GRM1: variants seen among roughly 807,000 people sequenced by gnomAD.
GRM1 encodes the protein metabotropic glutamate receptor 1.
In GRM1, 33 loss-of-function variants were observed where a neutral mutation model predicts 90.9. That is an observed-to-expected ratio of 0.36 (90% confidence interval 0.28 to 0.49). The LOEUF is 0.49. GRM1 is among the 20% of genes least tolerant of loss of function. The pLI is 0.99. For synonymous variants in GRM1, 700 were observed against 613.2 expected (o/e 1.14, Z -2.09); for missense variants, 1,190 against 1,534.3 (o/e 0.78, Z 3.75).
intron 1 of GRM1, among the ~76,000 whole-genome samples, chr6:146,102,824 G>A (rs1354917341): frequency 6.6e-6 from 1 of 152,132 alleles, no homozygotes; most frequent in Non-Finnish European, 1.5e-5. Context: ...AATTATGGAA[G>A]AGAAAACTTG....
chr6:146,029,967 C>G lies in GRM1; in HGVS notation c.450C>G (p.Gly150=). ...CTGACGGCCAGTCCCTCCCCCCAGG[C>G]AGGACTAAGAAGCCCATTGCGGGAG... ...CLPDGQSLPP[G]RTKKPIAGVI... The change falls in exon 1 of 8, where the codon GGC becomes GGG. Residue 150 remains glycine (G), a synonymous_variant. Transcript: ENST00000282753. 6.2e-7 allele frequency: 1 copy of G among 1,614,106 alleles called. No individual in the cohort carries two copies. The highest frequency in any genetic ancestry group is 8.5e-7 in the Non-Finnish European group (1 of 1,179,966).
chr6:146,328,108 C>T (rs145059000), intron 3 of GRM1, among the ~76,000 whole-genome samples: 5 of 152,248 alleles, frequency 3.3e-5, no homozygotes, highest in East Asian at 1.9e-4. Context: ...CTATAGTGCA[C>T]GGTTGCCAAA....
At chr6:146,276,779 A>C (rs746910443) in intron 2 of GRM1, among the ~76,000 whole-genome samples, 483 of 152,294 alleles carry the variant, frequency 3.2e-3, no homozygotes, top group Non-Finnish European at 5.7e-3. Flanking sequence ...ATTGATTTGT[A>C]CATTTTATCT....
chr6:146,204,712 G>A lies in GRM1; in HGVS notation c.950+45115G>A, dbSNP rs570769380. Among the ~76,000 whole-genome samples the A allele has an allele frequency of 1.2e-3, 176 of 152,300 alleles. 2 individuals are homozygous for A. Among genetic ancestry groups the A allele is most frequent in the Non-Finnish European group, 3.4e-4 (23 of 68,028 alleles). The stretch of plus-strand genomic sequence containing the variant: ...AAATACTGCCAAAAAGGTTGGAAGA[G>A]TATATTGAACTTTAAAGCAATTTAG... On this transcript the variant is annotated intron_variant, in intron 2 of 7. Coordinates refer to ENST00000282753, the MANE Select transcript of GRM1 (RefSeq NM_001278064.2).
intron 2 of GRM1, among the ~76,000 whole-genome samples, chr6:146,225,008 A>G (rs1472594758): frequency 6.6e-6 from 1 of 152,068 alleles, no homozygotes; most frequent in Admixed American, 6.6e-5. Flanking sequence ...ATGGTTGTTT[A>G]TGTCCTCCAT....
chr6:146,413,790 G>A (rs938437137), intron 7 of GRM1, among the ~76,000 whole-genome samples: 3 of 152,006 alleles, frequency 2.0e-5, no homozygotes, highest in Admixed American at 1.3e-4. Context: ...AATCTTGCCT[G>A]TTCTTGAACT....
intron 7 of GRM1, among the ~76,000 whole-genome samples, chr6:146,430,407 TC>T (rs773135514): frequency 6.6e-5 from 10 of 152,230 alleles, no homozygotes; most frequent in Non-Finnish European, 1.3e-4. Flanking sequence ...CTGCATTTGA[TC>T]TTCAAATATA....
At chr6:146,410,158 G>C (rs1384764155) in intron 7 of GRM1, among the ~76,000 whole-genome samples, 1 of 152,126 alleles carries the variant, frequency 6.6e-6, no homozygotes, top group Non-Finnish European at 1.5e-5. Context: ...GTAGGGATGA[G>C]GGAGAACAGG....
intron 1 of GRM1, among the ~76,000 whole-genome samples, chr6:146,111,395 A>C (rs1226440169): frequency 6.6e-6 from 1 of 152,270 alleles, no homozygotes; most frequent in Non-Finnish European, 1.5e-5. Flanking sequence ...TGTGCACACC[A>C]ATGAACAAGA....
At chr6:146,191,673 T>G (rs1280614754) in intron 2 of GRM1, among the ~76,000 whole-genome samples, 1 of 152,176 alleles carries the variant, frequency 6.6e-6, no homozygotes, top group East Asian at 1.9e-4. Context: ...TTAATTAATC[T>G]TTTTGTTTTG....
intron 7 of GRM1, among the ~76,000 whole-genome samples, chr6:146,425,337 C>G (rs1244236866): frequency 6.6e-6 from 1 of 152,204 alleles, no homozygotes; most frequent in East Asian, 1.9e-4. Flanking sequence ...CTTCCCAGCA[C>G]CTGTCAGGCC....
At chr6:146,148,580 A>T (rs749314354) in intron 1 of GRM1, among the ~76,000 whole-genome samples, 2 of 152,080 alleles carry the variant, frequency 1.3e-5, no homozygotes, top group Admixed American at 6.6e-5. Flanking sequence ...TTCTGTTTTT[A>T]TTATTTCTAA....
At chr6:146,261,983 C>T (rs934607800) in intron 2 of GRM1, among the ~76,000 whole-genome samples, 3 of 150,858 alleles carry the variant, frequency 2.0e-5, no homozygotes, top group East Asian at 1.9e-4. Context: ...TGAAAGGGCA[C>T]GCCATGTTTC....
At position 146,345,117 on chromosome 6, in the gene GRM1, C is replaced by T. The variant is rs78694031; in HGVS notation, c.1187-7133C>T. 8.0e-3 allele frequency among the ~76,000 whole-genome samples: 1,225 copies of T among 152,286 alleles called. 9 individuals are homozygous for T. The highest frequency in any genetic ancestry group is 0.013 in the Non-Finnish European group (868 of 68,004). Reference sequence around the variant, plus strand: ...TAAGCCACCAAGCCCAGCCAAAATCCACAGTATATCTTATTCCCATGTGTT... The same window carrying T: ...TAAGCCACCAAGCCCAGCCAAAATCTACAGTATATCTTATTCCCATGTGTT... On this transcript the variant is annotated intron_variant, in intron 3 of 7. Transcript: ENST00000282753.
chr6:146,142,541 G>A (rs1391954234), intron 1 of GRM1, among the ~76,000 whole-genome samples: 2 of 152,132 alleles, frequency 1.3e-5, no homozygotes, highest in African/African-American at 4.8e-5. Context: ...GCAGGACCTG[G>A]AGTCAGAAAA....
At chr6:146,224,584 A>G (rs2114685573) in intron 2 of GRM1, among the ~76,000 whole-genome samples, 1 of 152,298 alleles carries the variant, frequency 6.6e-6, no homozygotes, top group South Asian at 2.1e-4. Context: ...TAGATAATGA[A>G]AAGTCCTACA....
chr6:146,358,310 G>A (rs362896), intron 5 of GRM1, among the ~76,000 whole-genome samples: 34 of 152,094 alleles, frequency 2.2e-4, no homozygotes, highest in Non-Finnish European at 4.0e-4. Context: ...TCAAATCCTC[G>A]GCGGGGTGTG....
At chr6:146,321,731 C>CT (rs1315727759) in intron 3 of GRM1, among the ~76,000 whole-genome samples, 2 of 152,120 alleles carry the variant, frequency 1.3e-5, no homozygotes, top group East Asian at 1.9e-4. Context: ...CCTTCTTTGT[C>CT]TTTTTTTATC....
At chr6:146,295,038 G>A (rs1484502928) in intron 2 of GRM1, among the ~76,000 whole-genome samples, 2 of 151,826 alleles carry the variant, frequency 1.3e-5, no homozygotes, top group Non-Finnish European at 2.9e-5. Context: ...TGGAATTAGT[G>A]TCATCAGCTT....
Sources: gnomAD v4.1 joint callset for allele counts (sites outside exome capture counted in the v4.1 genomes callset) on GRCh38, gnomAD v4.1.1 for gene constraint, MANE v1.5 for transcripts, NCBI Gene and HGNC (gene_info 2026-07-23, HGNC 2026-07-21) for gene names.